GALNT13: variants seen among roughly 807,000 people sequenced by gnomAD.
GALNT13 encodes UDP-GalNAc:polypeptide N-acetylgalactosaminyltransferase 13.
In GALNT13, 28 loss-of-function variants were observed where a neutral mutation model predicts 64.2. That is an observed-to-expected ratio of 0.44 (90% CI 0.32 to 0.60). GALNT13 has a LOEUF of 0.60. GALNT13 is among the 20% of genes least tolerant of loss of function. GALNT13 has a pLI of 0.05. For synonymous variants in GALNT13, 214 were observed against 224.6 expected (o/e 0.95, Z 0.42); for missense variants, 577 against 669.8 (o/e 0.86, Z 1.53).
chr2:153,723,782 C>A, the GALNT13 span, among the ~76,000 whole-genome samples: 1 of 151,194 alleles, frequency 6.6e-6, no homozygotes, highest in Admixed American at 6.6e-5. Flanking sequence ...GAACTACAAA[C>A]CACTGCTCAA....
chr2:153,446,202 T>C, the GALNT13 span, among the ~76,000 whole-genome samples: 1 of 152,146 alleles, frequency 6.6e-6, no homozygotes, highest in Admixed American at 6.6e-5. Flanking sequence ...ATAAACCAGG[T>C]TGGAGATTTT....
At chr2:154,112,635 C>A (rs1461836292) in intron 3 of GALNT13, among the ~76,000 whole-genome samples, 1 of 152,214 alleles carries the variant, frequency 6.6e-6, no homozygotes, top group Non-Finnish European at 1.5e-5. Flanking sequence ...ATTTATCTTT[C>A]CATGCTAAGT....
At chr2:153,816,369 A>G in the GALNT13 span, among the ~76,000 whole-genome samples, 1 of 152,144 alleles carries the variant, frequency 6.6e-6, no homozygotes, top group Non-Finnish European at 1.5e-5. Flanking sequence ...TGTGTTCCAG[A>G]AGTACCAGGA....
chr2:153,598,102 T>C, the GALNT13 span, among the ~76,000 whole-genome samples: 1 of 152,110 alleles, frequency 6.6e-6, no homozygotes, highest in Non-Finnish European at 1.5e-5. Context: ...TGCATGTGTG[T>C]GTATGTAAAC....
At chr2:153,276,388 CT>C in the GALNT13 span, among the ~76,000 whole-genome samples, 1 of 151,968 alleles carries the variant, frequency 6.6e-6, no homozygotes, top group Non-Finnish European at 1.5e-5. Flanking sequence ...CTTTTAATAA[CT>C]TTAGCTTTAA....
the GALNT13 span, among the ~76,000 whole-genome samples, chr2:153,745,696 C>T: frequency 5.3e-5 from 8 of 151,996 alleles, no homozygotes; most frequent in South Asian, 2.1e-4. Flanking sequence ...TATCATAATT[C>T]GTTTGTTTGA....
At chr2:154,123,402 G>T (rs1025601877) in intron 3 of GALNT13, among the ~76,000 whole-genome samples, 2 of 151,942 alleles carry the variant, frequency 1.3e-5, no homozygotes, top group Non-Finnish European at 2.9e-5. Context: ...TCAAATATTT[G>T]CAGGATGGGG....
chr2:154,215,499 A>G (rs1394045102), intron 4 of GALNT13, among the ~76,000 whole-genome samples: 1 of 151,842 alleles, frequency 6.6e-6, no homozygotes, highest in Non-Finnish European at 1.5e-5. Context: ...ACATTTGTCC[A>G]CTCATTCTTC....
chr2:153,182,624 A>C, the GALNT13 span, among the ~76,000 whole-genome samples: 2 of 152,104 alleles, frequency 1.3e-5, no homozygotes, highest in Non-Finnish European at 2.9e-5. Context: ...CCTGACTGAC[A>C]GGTCCCAGAG....
At chr2:153,680,218 T>G in the GALNT13 span, among the ~76,000 whole-genome samples, 1 of 151,688 alleles carries the variant, frequency 6.6e-6, no homozygotes, top group South Asian at 2.1e-4. Flanking sequence ...CATTGTAAAG[T>G]GGGTAAATAT....
At chr2:153,684,437 C>T in the GALNT13 span, among the ~76,000 whole-genome samples, 1 of 151,160 alleles carries the variant, frequency 6.6e-6, no homozygotes, top group Non-Finnish European at 1.5e-5. Flanking sequence ...TTTTTTCTGC[C>T]TAGGAGTCAC....
intron 3 of GALNT13, among the ~76,000 whole-genome samples, chr2:154,088,871 A>C (rs66464159): frequency 0.18 from 27,825 of 152,100 alleles, 4,660 homozygotes; most frequent in East Asian, 0.74. Context: ...TTGTGTTTAA[A>C]ATTATCCTGG....
intron 2 of GALNT13, among the ~76,000 whole-genome samples, chr2:153,940,353 G>A (rs1691252036): frequency 6.6e-5 from 10 of 151,266 alleles, no homozygotes; most frequent in Admixed American, 6.6e-4. Flanking sequence ...CGCCCCCCAG[G>A]TTCAAGTGAT....
the GALNT13 span, among the ~76,000 whole-genome samples, chr2:153,503,707 C>G: frequency 6.6e-6 from 1 of 152,130 alleles, no homozygotes; most frequent in South Asian, 2.1e-4. Context: ...TCCCAAAGTG[C>G]TAGGATTACA....
chr2:154,166,870 C>T (rs1685056168), intron 4 of GALNT13, among the ~76,000 whole-genome samples: 1 of 152,108 alleles, frequency 6.6e-6, no homozygotes, highest in Admixed American at 6.5e-5. Context: ...AGCAAACTAT[C>T]GCAAGGACAG....
intron 4 of GALNT13, among the ~76,000 whole-genome samples, chr2:154,197,970 A>G (rs1349665622): frequency 1.3e-5 from 2 of 152,016 alleles, no homozygotes; most frequent in Non-Finnish European, 2.9e-5. Flanking sequence ...ACCCCATTTT[A>G]TATTCATCAG....
chr2:153,961,514 G>T (rs765798143), intron 3 of GALNT13, among the ~76,000 whole-genome samples: 6 of 151,922 alleles, frequency 3.9e-5, no homozygotes, highest in Admixed American at 6.6e-5. Context: ...AATAATAAAG[G>T]TAACAGTCTA....
chr2:154,116,414 TTCTC>T (rs1455251281), intron 3 of GALNT13, among the ~76,000 whole-genome samples: 1 of 152,048 alleles, frequency 6.6e-6, no homozygotes. Context: ...TTTCAGCTCT[TTCTC>T]TATAGGAGGT....
At chr2:154,167,553 A>G (rs1439048025) in intron 4 of GALNT13, among the ~76,000 whole-genome samples, 1 of 152,184 alleles carries the variant, frequency 6.6e-6, no homozygotes, top group Admixed American at 6.5e-5. Flanking sequence ...TTAAGCAAAA[A>G]CTTTTCTTTT....
Sources: gnomAD v4.1 joint callset for allele counts (sites outside exome capture counted in the v4.1 genomes callset) on GRCh38, gnomAD v4.1.1 for gene constraint, MANE v1.5 for transcripts, NCBI Gene and HGNC (gene_info 2026-07-23, HGNC 2026-07-21) for gene names.